ENTREP1: variants seen among roughly 807,000 people sequenced by gnomAD.
The protein encoded by ENTREP1 is endosomal transmembrane epsin interactor 1, also known as Friedreich ataxia region gene X123.
chr9:69,376,539 C>A, the ENTREP1 span, among the ~76,000 whole-genome samples: 159 of 152,254 alleles, frequency 1.0e-3, 1 homozygote, highest in Non-Finnish European at 1.8e-3. Context: ...ACTGGTGAAC[C>A]CTGAGGTATG....
the ENTREP1 span, among the ~76,000 whole-genome samples, chr9:69,353,739 A>G: frequency 0.88 from 133,950 of 152,282 alleles, 59,234 homozygotes; most frequent in African/African-American, 0.97. Flanking sequence ...TTCTATCAAG[A>G]TTCGCTTATG....
chr9:69,349,276 T>G, the ENTREP1 span, among the ~76,000 whole-genome samples: 2 of 152,122 alleles, frequency 1.3e-5, no homozygotes, highest in African/African-American at 4.8e-5. Context: ...TATGTTTTCA[T>G]TTCTCTTGGG....
chr9:69,374,304 T>C, the ENTREP1 span, among the ~76,000 whole-genome samples: 1 of 152,308 alleles, frequency 6.6e-6, no homozygotes, highest in East Asian at 1.9e-4. Context: ...GGGGGTATTA[T>C]GAACAAAGCT....
At chr9:69,329,989 GGT>G in the ENTREP1 span, among the ~76,000 whole-genome samples, 144 of 67,832 alleles carry the variant, frequency 2.1e-3, 66 homozygotes, top group Non-Finnish European at 3.5e-3. Flanking sequence ...ATTCCACTGG[GGT>G]ATGGGAGTTA....
At chr9:69,372,398 T>C in the ENTREP1 span, among the ~76,000 whole-genome samples, 4 of 152,204 alleles carry the variant, frequency 2.6e-5, no homozygotes, top group African/African-American at 9.6e-5. Context: ...TCTATGAATT[T>C]GAGTATCCTA....
the ENTREP1 span, chr9:69,382,257 C>T: frequency 6.6e-6 from 1 of 152,254 alleles, no homozygotes; most frequent in African/African-American, 2.4e-5. Context: ...AAGGGTCTGG[C>T]TTCTCAGAGT....
the ENTREP1 span, among the ~76,000 whole-genome samples, chr9:69,337,661 A>G: frequency 6.6e-6 from 1 of 152,316 alleles, no homozygotes; most frequent in South Asian, 2.1e-4. Context: ...ATAAGTTTAA[A>G]CTTATCAGTT....
the ENTREP1 span, among the ~76,000 whole-genome samples, chr9:69,355,285 C>A: frequency 6.3e-4 from 96 of 152,300 alleles, no homozygotes; most frequent in South Asian, 3.5e-3. Flanking sequence ...TTCGGTCACT[C>A]AGTAAACATT....
chr9:69,364,631 C>T, the ENTREP1 span, among the ~76,000 whole-genome samples: 1 of 152,032 alleles, frequency 6.6e-6, no homozygotes, highest in Non-Finnish European at 1.5e-5. Flanking sequence ...CCTGTAAACC[C>T]TGAGTTCTTT....
chr9:69,341,908 A>G, the ENTREP1 span, among the ~76,000 whole-genome samples: 3 of 152,126 alleles, frequency 2.0e-5, no homozygotes, highest in East Asian at 5.8e-4. Flanking sequence ...CTCTTGACCC[A>G]AAAGTCAAGA....
the ENTREP1 span, chr9:69,383,602 C>T: frequency 6.2e-6 from 10 of 1,613,534 alleles, no homozygotes; most frequent in Middle Eastern, 1.7e-4. Flanking sequence ...GTAGAACGTG[C>T]TTTCTGACGC....
chr9:69,346,153 A>G, the ENTREP1 span, among the ~76,000 whole-genome samples: 1 of 143,178 alleles, frequency 7.0e-6, no homozygotes, highest in African/African-American at 2.6e-5. Context: ...CGGCTAATTT[A>G]TATATTTTTA....
the ENTREP1 span, among the ~76,000 whole-genome samples, chr9:69,345,592 T>C: frequency 3.9e-5 from 6 of 152,228 alleles, no homozygotes; most frequent in Admixed American, 2.0e-4. Flanking sequence ...ATTAGCCTTC[T>C]TACTCTTTTT....
the ENTREP1 span, among the ~76,000 whole-genome samples, chr9:69,347,565 C>A: frequency 2.0e-5 from 3 of 152,230 alleles, no homozygotes; most frequent in Non-Finnish European, 4.4e-5. Flanking sequence ...GAGAAGCTTA[C>A]ATTCAAATGA....
At chr9:69,339,149 A>G in the ENTREP1 span, among the ~76,000 whole-genome samples, 2 of 151,972 alleles carry the variant, frequency 1.3e-5, no homozygotes, top group Non-Finnish European at 2.9e-5. Flanking sequence ...TCTCCTGAGT[A>G]GCTGGGACTA....
At chr9:69,340,685 G>GTGTGTGTA in the ENTREP1 span, among the ~76,000 whole-genome samples, 64 of 133,184 alleles carry the variant, frequency 4.8e-4, no homozygotes, top group Middle Eastern at 3.9e-3. Flanking sequence ...GTGCATGCAT[G>GTGTGTGTA]TGTGTGTGTA....
At chr9:69,391,840 A>T in the ENTREP1 span, 1 of 1,534,002 alleles carries the variant, frequency 6.5e-7, no homozygotes, top group South Asian at 1.2e-5. Flanking sequence ...AAGGGGAAGG[A>T]TCCCTCTCCT....
the ENTREP1 span, chr9:69,385,889 C>T: frequency 1.9e-6 from 3 of 1,613,288 alleles, no homozygotes; most frequent in East Asian, 6.7e-5. Context: ...GGAGAGCCCT[C>T]CCACCCTTGA....
chr9:69,388,473 G>A, the ENTREP1 span: 1 of 1,541,350 alleles, frequency 6.5e-7, no homozygotes, highest in South Asian at 1.3e-5. Flanking sequence ...TTAATCTCAG[G>A]CATGAATCAG....
Sources: gnomAD v4.1 joint callset for allele counts (sites outside exome capture counted in the v4.1 genomes callset) on GRCh38, gnomAD v4.1.1 for gene constraint, MANE v1.5 for transcripts, NCBI Gene and HGNC (gene_info 2026-07-23, HGNC 2026-07-21) for gene names.